Variants in MED13L observed in about 807,000 individuals in gnomAD.
MED13L encodes the protein mediator of RNA polymerase II transcription subunit 13-like.
Under a neutral mutation model 220.9 loss-of-function variants are expected in MED13L, and 7 were observed. The observed-to-expected ratio is 0.03, with a 90% CI of 0.02 to 0.06. The LOEUF is 0.06. Ranked by LOEUF, MED13L falls within the 10% of genes least tolerant of loss-of-function variation. MED13L has a pLI of 1.00. For synonymous variants in MED13L, 1,011 were observed against 1,015.2 expected, an observed-to-expected ratio of 1.00 and a Z score of 0.08; for missense variants, 1,965 against 2,760.5, an observed-to-expected ratio of 0.71 and a Z score of 6.46.
chr12:115,978,024 A>C (rs572946910), intron 23 of MED13L, among the ~76,000 whole-genome samples: 7 of 152,038 alleles, frequency 4.6e-5, no homozygotes, highest in Non-Finnish European at 8.8e-5. Context: ...ATTGGGGGGA[A>C]GACTGCTTGA....
At chr12:116,131,947 C>A (rs1326600062) in intron 2 of MED13L, among the ~76,000 whole-genome samples, 1 of 152,038 alleles carries the variant, frequency 6.6e-6, no homozygotes, top group African/African-American at 2.4e-5. Context: ...CACGCCACTG[C>A]ACTCCAACCT....
intron 4 of MED13L, among the ~76,000 whole-genome samples, chr12:116,096,350 G>T (rs188943253): frequency 0.036 from 1,022 of 28,732 alleles, 5 homozygotes; most frequent in Admixed American, 0.1. Context: ...GTGAGACACA[G>T]CCTCAAAAAA....
At position 115,991,570 on chromosome 12, in the gene MED13L, A is replaced by G. The variant is rs1878061321; in HGVS notation, c.3384T>C (p.Phe1128=). The change falls in exon 17 of 31, where the codon TTT becomes TTC. Residue 1128 remains phenylalanine (F), a synonymous_variant. Coordinates refer to ENST00000281928, the MANE Select transcript of MED13L (RefSeq NM_015335.5). This position sits in a 1 kb window ranked among gnomAD's most constrained non-coding sequence, Gnocchi z 7.7. ...SVMNIFKDRN[F]DSCCICACNM... is the part of the protein sequence containing the mutation. ...TGCAGGCACAGATGCAACAGCTGTC[A>G]AAGTTTCTGTCTTTAAAGATATTCA... 3.1e-6 allele frequency: 5 copies of G among 1,614,128 alleles called. No individual in the cohort carries two copies. The highest frequency in any genetic ancestry group is 4.2e-6 in the Non-Finnish European group (5 of 1,179,996).
intron 4 of MED13L, among the ~76,000 whole-genome samples, chr12:116,040,576 TAA>T (rs1214062845): frequency 1.3e-5 from 2 of 152,052 alleles, no homozygotes; most frequent in African/African-American, 4.8e-5. Flanking sequence ...ACTCAAAAAA[TAA>T]AAGATTCCAT....
intron 1 of MED13L, among the ~76,000 whole-genome samples, chr12:116,254,766 G>C (rs914180726): frequency 1.3e-5 from 2 of 151,358 alleles, no homozygotes; most frequent in Admixed American, 1.3e-4. Context: ...CAAAGGGGGT[G>C]GGGGGGAATA....
At chr12:116,173,132 T>G (rs1442222331) in intron 2 of MED13L, among the ~76,000 whole-genome samples, 1 of 149,986 alleles carries the variant, frequency 6.7e-6, no homozygotes, top group Admixed American at 6.7e-5. Flanking sequence ...TCTGCCAAAT[T>G]GGTGATTCTA....
At chr12:116,138,310 T>C (rs1013331268) in intron 2 of MED13L, among the ~76,000 whole-genome samples, 2 of 152,238 alleles carry the variant, frequency 1.3e-5, no homozygotes, top group Non-Finnish European at 2.9e-5. Flanking sequence ...ATTTCAATAA[T>C]TTTCAAGGAC....
chr12:116,203,938 A>C (rs1478551390), intron 2 of MED13L, among the ~76,000 whole-genome samples: 1 of 152,232 alleles, frequency 6.6e-6, no homozygotes, highest in Non-Finnish European at 1.5e-5. Flanking sequence ...CATTGCACAA[A>C]TATTTTTGGT....
intron 4 of MED13L, among the ~76,000 whole-genome samples, chr12:116,085,880 C>T (rs1361181861): frequency 3.3e-5 from 5 of 151,914 alleles, no homozygotes; most frequent in African/African-American, 9.7e-5. Context: ...GGGAGCAACT[C>T]AAAGAAGAGA....
At chr12:116,251,713 A>G (rs1871582502) in intron 1 of MED13L, among the ~76,000 whole-genome samples, 1 of 151,258 alleles carries the variant, frequency 6.6e-6, no homozygotes, top group African/African-American at 2.4e-5. Context: ...GCGAGCCAAG[A>G]TCGCGCCACA....
At chr12:116,107,248 T>C (rs1272209681) in intron 3 of MED13L, among the ~76,000 whole-genome samples, 1 of 152,276 alleles carries the variant, frequency 6.6e-6, no homozygotes, top group Non-Finnish European at 1.5e-5. Context: ...GATATCGTTA[T>C]GGACAATGCT....
At chr12:116,032,716 T>C (rs1880928616) in intron 4 of MED13L, among the ~76,000 whole-genome samples, 1 of 152,230 alleles carries the variant, frequency 6.6e-6, no homozygotes, top group African/African-American at 2.4e-5. Flanking sequence ...GCCATGGGTC[T>C]CTTCCCTATT....
rs571633592 is a variant in MED13L at position 115,966,075 on chromosome 12, A to C, written c.6387+7T>G. ...CTTGCAAACTTCTAATATGACACCA[A>C]ACCAACCTTTAAGAAGAGAGGGCAC... On this transcript the variant is annotated splice_region_variant and intron_variant, in intron 29 of 30. Transcript: ENST00000281928. 7 of 1,614,044 alleles carry C rather than the reference A, an allele frequency of 4.3e-6. No homozygotes were observed. The South Asian group carries it at 6.6e-5, about 15-fold the overall frequency.
intron 4 of MED13L, among the ~76,000 whole-genome samples, chr12:116,040,359 T>G (rs1484199543): frequency 6.6e-6 from 1 of 152,228 alleles, no homozygotes; most frequent in East Asian, 1.9e-4. Flanking sequence ...AAATTATCAT[T>G]TGAATACAGG....
intron 2 of MED13L, among the ~76,000 whole-genome samples, chr12:116,231,010 A>C (rs947797802): frequency 2.0e-5 from 3 of 152,144 alleles, no homozygotes; most frequent in Non-Finnish European, 2.9e-5. Context: ...TGCCATTATA[A>C]TTTGCCTTTG....
chr12:116,026,352 A>C (rs545894801), intron 4 of MED13L, among the ~76,000 whole-genome samples: 3 of 152,376 alleles, frequency 2.0e-5, no homozygotes, highest in East Asian at 3.9e-4. Context: ...GATCTTTTAT[A>C]TTGATAACTT....
At chr12:116,209,015 A>G (rs1164384475) in intron 2 of MED13L, among the ~76,000 whole-genome samples, 2 of 152,082 alleles carry the variant, frequency 1.3e-5, no homozygotes, top group Non-Finnish European at 2.9e-5. Flanking sequence ...AGGAAATACT[A>G]CTATCTGATT....
At chr12:116,078,653 G>T (rs998808409) in intron 4 of MED13L, among the ~76,000 whole-genome samples, 2 of 152,046 alleles carry the variant, frequency 1.3e-5, no homozygotes, top group African/African-American at 4.8e-5. Flanking sequence ...ATCATCTATG[G>T]CTGCTTTCTC....
chr12:116,153,237 CAGA>C (rs1479720473), intron 2 of MED13L, among the ~76,000 whole-genome samples: 1 of 152,180 alleles, frequency 6.6e-6, no homozygotes, highest in African/African-American at 2.4e-5. Flanking sequence ...TCACTATACA[CAGA>C]ACTTACTGAG....
Sources: allele counts gnomAD v4.1 joint callset (sites outside exome capture counted in the v4.1 genomes callset), GRCh38; gene constraint gnomAD v4.1.1; non-coding constraint Gnocchi (gnomAD v3.1); transcripts MANE v1.5; gene names NCBI Gene and HGNC (gene_info 2026-07-23, HGNC 2026-07-21).